Variants in DENND3 observed in about 807,000 individuals in gnomAD.
DENND3 encodes DENN domain-containing protein 3.
DENND3 carries 88 observed loss-of-function variants against 135.1 expected under a neutral mutation model. The observed-to-expected ratio is 0.65, with a 90% CI of 0.55 to 0.78. The LOEUF is 0.78. Among genes scored for constraint, DENND3 ranks in the 30% least tolerant of loss-of-function variants. The pLI, the probability that DENND3 is intolerant of heterozygous loss-of-function variation, is 0.00. For synonymous variants in DENND3, 693 were observed against 712.3 expected (o/e 0.97, Z 0.43); for missense variants, 1,392 against 1,688.4 (o/e 0.82, Z 3.08).
At position 141,163,358 on chromosome 8, in the gene DENND3, G is replaced by T; in HGVS notation, c.1378G>T (p.Glu460Ter). ...GGATGTAAAGAATCATTTAAACTAT[G>T]AACACAGAGTCTTTAATAGTGAAGA... ...FRDVKNHLNY[E>*]HRVFNSEEFL... is the part of the protein sequence containing the mutation. Residue 460 changes from glutamate (E) to a stop codon, truncating the protein, a stop_gained, in exon 10 of 23, where the codon GAA becomes TAA. Coordinates refer to ENST00000519811, the MANE Select transcript of DENND3 (RefSeq NM_001352890.3). LOFTEE classifies it high-confidence loss of function. 1 of 1,609,472 alleles carries T rather than the reference G, an allele frequency of 6.2e-7. No homozygotes were observed. Among genetic ancestry groups the T allele is most frequent in the South Asian group, 1.1e-5 (1 of 90,450 alleles).
intron 7 of DENND3, 34 bp from the exon 8 acceptor site, chr8:141,155,815 T>C (rs762631618): frequency 6.5e-7 from 1 of 1,548,748 alleles, no homozygotes; most frequent in South Asian, 1.2e-5. Flanking sequence ...GAAATTCTTT[T>C]ATCAATCTTT....
intron 4 of DENND3, chr8:141,142,844 T>C (rs1817625420): frequency 6.1e-6 from 1 of 162,726 alleles, no homozygotes; most frequent in African/African-American, 2.4e-5. Context: ...AATGAATGGG[T>C]GGTCGCCAGA....
intron 8 of DENND3, 77 bp downstream of exon 8, chr8:141,156,047 TC>T: frequency 6.7e-7 from 1 of 1,481,676 alleles, no homozygotes; most frequent in Non-Finnish European, 9.0e-7. Flanking sequence ...GAGTATCTTT[TC>T]CAATTTTATA....
intron 13 of DENND3, among the ~76,000 whole-genome samples, chr8:141,173,187 G>C (rs1279519586): frequency 6.6e-6 from 1 of 152,276 alleles, no homozygotes; most frequent in East Asian, 1.9e-4. Context: ...GGGCTGCAGA[G>C]ACCTGGCCTG....
chr8:141,143,579 A>T (rs190682318), intron 4 of DENND3, among the ~76,000 whole-genome samples: 5 of 152,114 alleles, frequency 3.3e-5, no homozygotes, highest in African/African-American at 1.2e-4. Flanking sequence ...TAATTTTTAA[A>T]TTTTTTGTAG....
At position 141,189,135 on chromosome 8, in the gene DENND3, G is replaced by A; in HGVS notation, c.3234G>A (p.Gln1078=). The change falls in exon 19 of 23, where the codon CAG becomes CAA. Residue 1078 remains glutamine (Q), a synonymous_variant. Coordinates refer to ENST00000519811, the MANE Select transcript of DENND3 (RefSeq NM_001352890.3). The part of the protein sequence containing the change: ...SVTDLIVQDG[Q]EAPSNVYSCS... ...CGGATTTGATTGTGCAGGACGGACA[G>A]GAGGCACCCAGGTGCAGTAAGCTCT... The A allele has an allele frequency of 1.2e-6, 2 of 1,614,198 alleles. No individual in the cohort carries two copies. The highest frequency in any genetic ancestry group is 8.5e-7 in the Non-Finnish European group (1 of 1,180,006).
rs143399544 is a variant in DENND3, at chr8:141,151,837, G to GGTTA, written c.1074+2_1074+5dup. 412 of 1,613,968 alleles carry GGTTA rather than the reference G, an allele frequency of 2.6e-4. 4 individuals are homozygous for GGTTA. In the East Asian group the frequency reaches 7.9e-3, roughly 31 times the overall value. ...TCGACCACTTCGAAGAAGTCAGCAA[G>GGTTA]GTTAGGTAGCGAACCTTTGACTTGG... is the stretch of plus-strand genomic sequence containing the variant. On this transcript the variant is annotated frameshift_variant and splice_region_variant. Coordinates refer to ENST00000519811, the MANE Select transcript of DENND3 (RefSeq NM_001352890.3). LOFTEE classifies it high-confidence loss of function.
chr8:141,183,136 T>C (rs968660548), intron 17 of DENND3, among the ~76,000 whole-genome samples: 3 of 152,070 alleles, frequency 2.0e-5, no homozygotes, highest in African/African-American at 7.2e-5. Flanking sequence ...TTCTAGGTGA[T>C]AGGGTAGAAG....
intron 13 of DENND3, among the ~76,000 whole-genome samples, chr8:141,171,600 T>G (rs1032761519): frequency 2.6e-5 from 4 of 152,258 alleles, no homozygotes; most frequent in African/African-American, 9.6e-5. Context: ...GCATTGTGTC[T>G]ACGTGGGCGT....
At chr8:141,145,803 TTATATATATATATATATATATATATATA>T (rs60546894) in intron 5 of DENND3, among the ~76,000 whole-genome samples, 21 of 87,116 alleles carry the variant, frequency 2.4e-4, no homozygotes, top group East Asian at 6.3e-4. Flanking sequence ...ATATTGAATA[TTATATATATATATATATATATATATATA>T]TATATATATA....
intron 5 of DENND3, among the ~76,000 whole-genome samples, chr8:141,147,225 C>T (rs1217144987): frequency 6.6e-6 from 1 of 152,232 alleles, no homozygotes; most frequent in Non-Finnish European, 1.5e-5. Flanking sequence ...CTGCTCCCCG[C>T]TGCGTGACTT....
chr8:141,171,534 C>T (rs564757221), intron 13 of DENND3, among the ~76,000 whole-genome samples: 21 of 152,256 alleles, frequency 1.4e-4, no homozygotes, highest in East Asian at 9.6e-4. Flanking sequence ...GTGTGGGTGA[C>T]GAGAGAGAGG....
intron 5 of DENND3, among the ~76,000 whole-genome samples, chr8:141,148,107 A>G (rs1163709004): frequency 6.6e-6 from 1 of 152,232 alleles, no homozygotes; most frequent in African/African-American, 2.4e-5. Flanking sequence ...CAACCCAGCC[A>G]TATTTTCTAG....
At chr8:141,171,203 T>C (rs1191289130) in intron 13 of DENND3, among the ~76,000 whole-genome samples, 1 of 152,020 alleles carries the variant, frequency 6.6e-6, no homozygotes, top group African/African-American at 2.4e-5. Flanking sequence ...GGGCATTTGT[T>C]AAAAAAAACA....
chr8:141,176,841 C>T lies in DENND3; in HGVS notation c.2706+80C>T, dbSNP rs140725116. On this transcript the variant is annotated intron_variant, in intron 15 of 22. Transcript: ENST00000519811. ...GCCACCTGTGGGTCCTGTGGCAGTC[C>T]TCAGCTGTGAGTGCTCGGGCTCGGG... The T allele has an allele frequency of 2.7e-4, 412 of 1,534,618 alleles. 4 individuals carry two copies. In the East Asian group the frequency reaches 8.8e-3, roughly 33 times the overall value.
chr8:141,184,930 T>G (rs1281840723), intron 17 of DENND3: 5 of 548,082 alleles, frequency 9.1e-6, no homozygotes, highest in African/African-American at 7.5e-5. Flanking sequence ...CCTGTCTTTG[T>G]GGCCCTCTCA....
In DENND3 at chr8:141,192,367, G is replaced by T. The variant is rs374730093; in HGVS notation, c.3416G>T (p.Gly1139Val). Residue 1139 changes from glycine to valine, a missense_variant, in exon 21 of 23, where the codon GGA (glycine) becomes GTA (valine). Physicochemically the swap from Gly to Val is moderately radical, Grantham distance 109. Coordinates refer to ENST00000519811, the MANE Select transcript of DENND3 (RefSeq NM_001352890.3). ...GNSIMVMKMN[G>V]SLHQELKIEE... ...AGCATCATGGTCATGAAAATGAATG[G>T]ATCCCTCCATCAAGAATTGAAGATT... 6.2e-7 allele frequency: 1 copy of T among 1,614,200 alleles called. No homozygotes were observed. Among genetic ancestry groups the T allele is most frequent in the Non-Finnish European group, 8.5e-7 (1 of 1,180,026 alleles).
chr8:141,176,394 C>T (rs1256669403), intron 14 of DENND3, 197 bp from the exon 15 acceptor site: 5 of 627,112 alleles, frequency 8.0e-6, no homozygotes, highest in South Asian at 2.0e-5. Context: ...GTGTAGGTGC[C>T]GCACCGCAGG....
At chr8:141,164,626 G>A (rs765487488) in intron 10 of DENND3, among the ~76,000 whole-genome samples, 17 of 152,292 alleles carry the variant, frequency 1.1e-4, no homozygotes, top group East Asian at 9.7e-4. Flanking sequence ...GGTTTGATGC[G>A]GTTTCGCCCT....
Sources: allele counts gnomAD v4.1 joint callset (sites outside exome capture counted in the v4.1 genomes callset), GRCh38; gene constraint gnomAD v4.1.1; transcripts MANE v1.5; gene names NCBI Gene and HGNC (gene_info 2026-07-23, HGNC 2026-07-21).